Variants in DIXDC1 observed in about 807,000 individuals in gnomAD.
The protein encoded by DIXDC1 is dixin.
Under a neutral mutation model 103.1 loss-of-function variants are expected in DIXDC1, and 64 were observed. That is an observed-to-expected ratio of 0.62 (90% confidence interval 0.51 to 0.76). The LOEUF (loss-of-function observed/expected upper bound fraction) is 0.76. Among genes scored for constraint, DIXDC1 ranks in the 30% least tolerant of loss-of-function variants. The pLI, the probability that DIXDC1 is intolerant of heterozygous loss-of-function variation, is 0.00. For synonymous variants in DIXDC1, 266 were observed against 298.5 expected (o/e 0.89, Z 1.12); for missense variants, 759 against 834.2 (o/e 0.91, Z 1.11).
chr11:111,988,882 A>G (rs1426105542), intron 9 of DIXDC1, 123 bp from the exon 10 acceptor site: 1 of 752,146 alleles, frequency 1.3e-6, no homozygotes, highest in Non-Finnish European at 2.2e-6. Context: ...TTTCTGCCTT[A>G]GTAGAGGGTT....
At position 111,976,757 on chromosome 11, in the gene DIXDC1, G is replaced by C. The variant is rs587601664; in HGVS notation, c.656+1774G>C. 9.8e-4 allele frequency: 150 copies of C among 152,582 alleles called. No individual in the cohort carries two copies. The highest frequency in any genetic ancestry group is 5.3e-3 in the Admixed American group (81 of 15,318). The allele number at this position is 152,582 out of a possible 1,614,324, so 9.5% of individuals were successfully genotyped here. A position where few individuals can be genotyped will look rare whatever the true frequency, so the allele number is the denominator to read the frequency against. On this transcript the variant is annotated intron_variant, in intron 5 of 19. Transcript: ENST00000440460. The surrounding 1 kb of genome is among the most constrained non-coding windows in gnomAD (Gnocchi z 4.3). ...GCCACTGCTCCTCCGGAGACGCCCT[G>C]GGGAAGCCCTGCCAGCCTGTTGCTC...
intron 1 of DIXDC1, among the ~76,000 whole-genome samples, chr11:111,962,255 G>A (rs1053897374): frequency 1.3e-5 from 2 of 152,158 alleles, no homozygotes; most frequent in African/African-American, 4.8e-5. Flanking sequence ...GCCTAGGTGG[G>A]TGGATCACCT....
At chr11:111,967,309 A>C (rs1200613890) in intron 2 of DIXDC1, among the ~76,000 whole-genome samples, 7 of 152,190 alleles carry the variant, frequency 4.6e-5, no homozygotes, top group Non-Finnish European at 1.0e-4. Context: ...TTATTCTCCA[A>C]GTTTCTTCAT....
rs587621401 is a variant in DIXDC1, at chr11:111,953,502, G to A, written c.61-11047G>A. On this transcript the variant is annotated intron_variant, in intron 1 of 19. Coordinates refer to ENST00000440460, the MANE Select transcript of DIXDC1 (RefSeq NM_001037954.4). ...AAATATAAAAAATTAGCCAGGCATG[G>A]TGGCACGTGCCTGTAATCCCAGCTA... Among the ~76,000 whole-genome samples the A allele has an allele frequency of 2.6e-5, 4 of 152,198 alleles. No homozygotes were observed. The East Asian group carries it at 7.7e-4, about 29-fold the overall frequency.
intron 14 of DIXDC1, among the ~76,000 whole-genome samples, chr11:111,994,166 A>C (rs1457037747): frequency 6.6e-5 from 10 of 152,200 alleles, no homozygotes; most frequent in Admixed American, 4.6e-4. Context: ...GCAGGTGGCT[A>C]ACTTGAGGTC....
intron 17 of DIXDC1, 76 bp from the exon 18 acceptor site, chr11:112,016,615 G>A (rs1861598644): frequency 1.4e-5 from 18 of 1,291,120 alleles, no homozygotes; most frequent in Middle Eastern, 3.9e-4. Context: ...TTGTTCTCCC[G>A]GGACACTTTG....
intron 1 of DIXDC1, among the ~76,000 whole-genome samples, chr11:111,947,654 G>A (rs1592550139): frequency 6.6e-6 from 1 of 152,322 alleles, no homozygotes; most frequent in Non-Finnish European, 1.5e-5. Flanking sequence ...TAGACATAAA[G>A]GGAGAGGCAG....
intron 1 of DIXDC1, among the ~76,000 whole-genome samples, chr11:111,947,550 AG>A (rs1317910906): frequency 3.9e-5 from 6 of 152,310 alleles, no homozygotes; most frequent in South Asian, 4.1e-4. Context: ...GGGCATTTAT[AG>A]GAAGAACAGG....
chr11:111,949,635 T>C (rs1397169471), intron 1 of DIXDC1, among the ~76,000 whole-genome samples: 1 of 152,220 alleles, frequency 6.6e-6, no homozygotes, highest in Admixed American at 6.5e-5. Context: ...AACTTCACAC[T>C]TCCTGTTGAA....
chr11:111,986,769 A>G (rs587598126), intron 8 of DIXDC1, 102 bp from the exon 9 acceptor site: 2 of 996,696 alleles, frequency 2.0e-6, no homozygotes, highest in South Asian at 1.5e-5. Context: ...TATCCACAGT[A>G]CAGAGCTGGC....
chr11:111,961,634 G>T (rs941956927), intron 1 of DIXDC1, among the ~76,000 whole-genome samples: 11 of 152,190 alleles, frequency 7.2e-5, no homozygotes, highest in Admixed American at 7.2e-4. Flanking sequence ...GTACTAATCA[G>T]TTTTGCATCA....
rs782697542 is a variant in DIXDC1, at chr11:111,977,748, G to A, written c.656+2765G>A. ...CTTCACCCGGGGACGCAGGCTTGCT[G>A]AAGCCCGAGACAGGAGGGGGACCAT... is the stretch of plus-strand genomic sequence containing the variant. On this transcript the variant is annotated intron_variant, in intron 5 of 19. Transcript: ENST00000440460. This position sits in a 1 kb window ranked among gnomAD's most constrained non-coding sequence, Gnocchi z 6.1. 2.3e-5 allele frequency: 36 copies of A among 1,562,784 alleles called. No individual in the cohort carries two copies. The highest frequency in any genetic ancestry group is 6.8e-5 in the African/African-American group (5 of 73,220).
At position 111,966,516 on chromosome 11, in the gene DIXDC1, G is replaced by A. The variant is rs587694138; in HGVS notation, c.190+1838G>A. On this transcript the variant is annotated intron_variant, in intron 2 of 19. Coordinates refer to ENST00000440460, the MANE Select transcript of DIXDC1 (RefSeq NM_001037954.4). ...CCTCCCGGGTTCACGCCATTCTCCT[G>A]CCTCAGCCTCCTGAGTAGCTGGGAC... 1.7e-4 allele frequency among the ~76,000 whole-genome samples: 25 copies of A among 145,942 alleles called. No individual in the cohort carries two copies. The South Asian group carries it at 5.1e-3, about 29-fold the overall frequency.
At chr11:112,006,227 A>G (rs1592624452) in intron 17 of DIXDC1, among the ~76,000 whole-genome samples, 1 of 151,608 alleles carries the variant, frequency 6.6e-6, no homozygotes, top group African/African-American at 2.4e-5. Context: ...ACAGCCTGGC[A>G]GGGGGAGGGG....
rs587637908 is a variant in DIXDC1 at position 112,020,725 on chromosome 11, T to G, written c.*1689T>G. ...TGTTTTAGTTGTGAAGGTAGTTTTG[T>G]GTAATCCAGTTGATTGCTCCTCTGG... On this transcript the variant is annotated 3_prime_UTR_variant, in exon 20 of 20. Transcript: ENST00000440460. The G allele has an allele frequency of 2.6e-5, 4 of 152,354 alleles. No homozygotes were observed. The highest frequency in any genetic ancestry group is 9.6e-5 in the African/African-American group (4 of 41,584). The allele number at this position is 152,354 out of a possible 1,614,324, so 9.4% of individuals were successfully genotyped here.
rs587641811 is a variant in DIXDC1 at position 112,016,789 on chromosome 11, C to G, written c.1855C>G (p.Pro619Ala). ...ACTTACGCCCTTCATGGTCAATATA[C>G]CAAAGAGGTGAGATTCTGGGATCAT... The part of the protein sequence containing the change: ...RSLTPFMVNI[P>A]KRLEEVTLKD... The change falls in exon 18 of 20, where the codon CCA becomes GCA. Residue 619 changes from proline to alanine, a missense_variant. Pro to Ala is a conservative substitution (Grantham distance 27). Coordinates refer to ENST00000440460, the MANE Select transcript of DIXDC1 (RefSeq NM_001037954.4). 5 of 1,603,232 alleles carry G rather than the reference C, an allele frequency of 3.1e-6. No individual in the cohort carries two copies. In the South Asian group the frequency reaches 4.5e-5, roughly 14 times the overall value.
At chr11:111,943,148 ATTTT>A (rs1370435798) in intron 1 of DIXDC1, among the ~76,000 whole-genome samples, 3 of 152,066 alleles carry the variant, frequency 2.0e-5, no homozygotes, top group African/African-American at 7.2e-5. Flanking sequence ...CAATTTATTT[ATTTT>A]TTGAGACAGT....
chr11:112,016,560 G>C (rs1861597036), intron 17 of DIXDC1, 131 bp from the exon 18 acceptor site: 1 of 666,580 alleles, frequency 1.5e-6, no homozygotes, highest in African/African-American at 1.9e-5. Flanking sequence ...TGGACATTGT[G>C]TTTGGCAAGG....
chr11:112,002,251 C>T (rs1861090883), intron 17 of DIXDC1, among the ~76,000 whole-genome samples: 1 of 144,810 alleles, frequency 6.9e-6, no homozygotes, highest in Admixed American at 6.8e-5. Flanking sequence ...TTTGACACAG[C>T]AGGCATGTGA....
Sources: allele counts gnomAD v4.1 joint callset (sites outside exome capture counted in the v4.1 genomes callset), GRCh38; gene constraint gnomAD v4.1.1; non-coding constraint Gnocchi (gnomAD v3.1); transcripts MANE v1.5; gene names NCBI Gene and HGNC (gene_info 2026-07-23, HGNC 2026-07-21).